Variants in DPY19L3 observed in about 807,000 individuals in gnomAD.
The protein encoded by DPY19L3 is protein C-mannosyl-transferase DPY19L3.
A neutral mutation model predicts 92.3 loss-of-function variants in DPY19L3; 51 were observed. The ratio of observed to expected loss-of-function variants is 0.55; its 90% CI spans 0.44 to 0.70. DPY19L3 has a LOEUF of 0.70. DPY19L3 is among the 30% of genes least tolerant of loss of function. The pLI, the probability that DPY19L3 is intolerant of heterozygous loss-of-function variation, is 0.00. For synonymous variants in DPY19L3, 309 were observed against 315.2 expected (o/e 0.98, Z 0.21); for missense variants, 706 against 855.9 (o/e 0.82, Z 2.18).
chr19:32,456,557 C>T (rs1431833884), intron 10 of DPY19L3, among the ~76,000 whole-genome samples: 1 of 151,852 alleles, frequency 6.6e-6, no homozygotes, highest in Non-Finnish European at 1.5e-5. Context: ...CCACTTCAGC[C>T]TGAGTAGCTG....
In DPY19L3 at chr19:32,468,932, T is replaced by C; in HGVS notation, c.1697+119T>C. The stretch of plus-strand genomic sequence containing the variant: ...GAATCTAATTACGAAGAAACATTCG[T>C]CCTTACTAGATTTTTCTTTAAAACT... On this transcript the variant is annotated intron_variant, in intron 16 of 18. Transcript: ENST00000392250. The C allele has an allele frequency of 7.3e-6, 7 of 957,298 alleles. No individual in the cohort carries two copies. The South Asian group carries it at 1.6e-4, about 22-fold the overall frequency. The allele number at this position is 957,298 out of a possible 1,614,324, so 59.3% of individuals were successfully genotyped here.
At chr19:32,462,348 C>G (rs1338146995) in intron 12 of DPY19L3, among the ~76,000 whole-genome samples, 1 of 152,126 alleles carries the variant, frequency 6.6e-6, no homozygotes, top group Non-Finnish European at 1.5e-5. Context: ...GAGATTTCAT[C>G]ATGCAACACA....
At chr19:32,442,647 G>T (rs1969360633) in intron 8 of DPY19L3, among the ~76,000 whole-genome samples, 1 of 152,168 alleles carries the variant, frequency 6.6e-6, no homozygotes, top group Admixed American at 6.5e-5. Context: ...TGCTGGAGAA[G>T]TCAGAAACCT....
chr19:32,454,622 G>A (rs893890945), intron 9 of DPY19L3, among the ~76,000 whole-genome samples: 2 of 151,990 alleles, frequency 1.3e-5, no homozygotes, highest in Admixed American at 6.6e-5. Flanking sequence ...TTCAGTCAGC[G>A]TATCCTGAGT....
intron 3 of DPY19L3, among the ~76,000 whole-genome samples, chr19:32,421,825 G>A (rs902887587): frequency 6.6e-6 from 1 of 152,050 alleles, no homozygotes; most frequent in Non-Finnish European, 1.5e-5. Flanking sequence ...AGAACAGCAT[G>A]CTAGGCAGGC....
At chr19:32,420,105 G>A (rs955286288) in intron 3 of DPY19L3, among the ~76,000 whole-genome samples, 18 of 151,838 alleles carry the variant, frequency 1.2e-4, no homozygotes, top group East Asian at 3.9e-4. Flanking sequence ...TGATCCGCCC[G>A]CCTCAGCCTC....
intron 10 of DPY19L3, 22 bp from the exon 11 acceptor site, chr19:32,458,078 T>G (rs1271613550): frequency 6.3e-7 from 1 of 1,592,088 alleles, no homozygotes; most frequent in South Asian, 1.1e-5. Flanking sequence ...ATAGCAATTT[T>G]TGTTTTCTCT....
chr19:32,417,640 G>T lies in DPY19L3; in HGVS notation c.237+6268G>T, dbSNP rs527470391. ...GGCCAGATCTGATGGTTTTATAGAG[G>T]GGAGTTCCCCGTCACACACTGTCTG... is the stretch of plus-strand genomic sequence containing the variant. On this transcript the variant is annotated intron_variant, in intron 3 of 18. Coordinates refer to ENST00000392250, the MANE Select transcript of DPY19L3 (RefSeq NM_001172774.2). 2.6e-5 allele frequency among the ~76,000 whole-genome samples: 4 copies of T among 152,208 alleles called. No homozygotes were observed. In the South Asian group the frequency reaches 8.3e-4, roughly 32 times the overall value.
At chr19:32,410,288 CAATAAATTGTCCTGAAATAA>C (rs1374371076) in intron 2 of DPY19L3, among the ~76,000 whole-genome samples, 1 of 152,040 alleles carries the variant, frequency 6.6e-6, no homozygotes, top group Non-Finnish European at 1.5e-5. Context: ...CTTGACAGGA[CAATAAATTGTCCTGAAATAA>C]AATAAATTGT....
intron 3 of DPY19L3, among the ~76,000 whole-genome samples, chr19:32,430,613 CTTAT>C (rs371297513): frequency 6.6e-6 from 1 of 151,648 alleles, no homozygotes; most frequent in Non-Finnish European, 1.5e-5. Flanking sequence ...ATGGTTCTTT[CTTAT>C]TTATTTATTT....
intron 3 of DPY19L3, among the ~76,000 whole-genome samples, chr19:32,422,230 G>GT (rs1319865804): frequency 1.3e-5 from 2 of 152,204 alleles, no homozygotes; most frequent in Non-Finnish European, 2.9e-5. Flanking sequence ...AGATGTGGAG[G>GT]TTGTAACCAC....
chr19:32,417,346 G>C (rs1203054307), intron 3 of DPY19L3, among the ~76,000 whole-genome samples: 5 of 152,210 alleles, frequency 3.3e-5, no homozygotes, highest in Non-Finnish European at 7.3e-5. Flanking sequence ...CTGAGACGGA[G>C]TCTCGCTCTG....
At chr19:32,420,713 G>A (rs900563518) in intron 3 of DPY19L3, among the ~76,000 whole-genome samples, 1 of 152,158 alleles carries the variant, frequency 6.6e-6, no homozygotes, top group Admixed American at 6.5e-5. Flanking sequence ...GCCTCCCAAA[G>A]TGCTGGGATT....
intron 12 of DPY19L3, among the ~76,000 whole-genome samples, chr19:32,459,965 G>A (rs996799981): frequency 6.6e-6 from 1 of 152,114 alleles, no homozygotes. Context: ...AGATAGTATG[G>A]CCTACTACAC....
chr19:32,454,365 GA>G (rs1195753250), intron 9 of DPY19L3, among the ~76,000 whole-genome samples: 1 of 152,116 alleles, frequency 6.6e-6, no homozygotes, highest in Admixed American at 6.6e-5. Flanking sequence ...ACGAGGTCAG[GA>G]AATTGAGACC....
Position 32,458,126 on chromosome 19 carries a change from A to G in DPY19L3, c.1116A>G (p.Glu372=). The G allele has an allele frequency of 1.2e-6, 2 of 1,613,850 alleles. No individual in the cohort carries two copies. The highest frequency in any genetic ancestry group is 1.7e-6 in the Non-Finnish European group (2 of 1,179,916). Residue 372 remains glutamate, a synonymous_variant, in exon 11 of 19, where the codon GAA becomes GAG. Transcript: ENST00000392250. ...IKKILNLKSD[E]HIFKFLKAKF... is the part of the protein sequence containing the mutation. ...AAATTCTTAACCTGAAGTCAGATGA[A>G]CACATATTTAAATTTCTGAAGGCAA...
At chr19:32,431,571 T>C (rs1438654827) in intron 3 of DPY19L3, among the ~76,000 whole-genome samples, 1 of 152,218 alleles carries the variant, frequency 6.6e-6, no homozygotes, top group African/African-American at 2.4e-5. Context: ...AGAAGTGTCT[T>C]GGATTTCAGA....
At position 32,484,931 on chromosome 19, in the gene DPY19L3, T is replaced by TA. The variant is rs1439716629; in HGVS notation, c.*2692dup. 1.3e-5 allele frequency: 2 copies of TA among 152,168 alleles called. No individual in the cohort carries two copies. Among genetic ancestry groups the TA allele is most frequent in the Admixed American group, 1.3e-4 (2 of 15,280 alleles). 9.4% of individuals were successfully genotyped at this position (152,168 alleles called of 1,614,324 possible). On this transcript the variant is annotated 3_prime_UTR_variant, in exon 19 of 19. Transcript: ENST00000392250. ...GAATATTATAAGATATTGGGGAAAA[T>TA]ATACAAATCAAGAAAATTTCTGAGC...
At chr19:32,452,163 T>C (rs1180837112) in intron 8 of DPY19L3, among the ~76,000 whole-genome samples, 1 of 152,240 alleles carries the variant, frequency 6.6e-6, no homozygotes, top group Admixed American at 6.5e-5. Flanking sequence ...CTGGTTCTTC[T>C]GTGAGACCCT....
Sources: allele counts gnomAD v4.1 joint callset (sites outside exome capture counted in the v4.1 genomes callset), GRCh38; gene constraint gnomAD v4.1.1; transcripts MANE v1.5; gene names NCBI Gene and HGNC (gene_info 2026-07-23, HGNC 2026-07-21).